CFAP77: variants seen among roughly 807,000 people sequenced by gnomAD.
CFAP77 encodes the protein cilia- and flagella-associated protein 77.
Under a neutral mutation model 31.1 loss-of-function variants are expected in CFAP77, and 25 were observed. That is an observed-to-expected ratio of 0.80 (90% CI 0.59 to 1.12). The LOEUF (loss-of-function observed/expected upper bound fraction) is 1.12. Among genes scored for constraint, CFAP77 ranks in the 50% most tolerant of loss-of-function variants. The pLI is 0.00. For synonymous variants in CFAP77, 151 were observed against 159.9 expected, an observed-to-expected ratio of 0.94 and a Z score of 0.42; for missense variants, 377 against 397.3, an observed-to-expected ratio of 0.95 and a Z score of 0.44.
In CFAP77 at chr9:132,565,936, C is replaced by T. The variant is rs191196960; in HGVS notation, c.733-6452C>T. 3.5e-3 allele frequency among the ~76,000 whole-genome samples: 536 copies of T among 152,338 alleles called. No homozygotes were observed. The highest frequency in any genetic ancestry group is 0.012 in the African/African-American group (489 of 41,584). ...TTGCCTCTTATTTACCTGCATTGAC[C>T]TTAGAGCAGCTCAGAGCTCCATTCA... On this transcript the variant is annotated intron_variant, in intron 5 of 5. Transcript: ENST00000393216. The surrounding 1 kb of genome is among the most constrained non-coding windows in gnomAD (Gnocchi z 4.1).
intron 1 of CFAP77, among the ~76,000 whole-genome samples, chr9:132,447,203 A>G (rs549570718): frequency 1.8e-4 from 27 of 152,310 alleles, no homozygotes; most frequent in African/African-American, 5.3e-4. Context: ...TCTGCATTTT[A>G]TGTTTTCCCC....
intron 3 of CFAP77, among the ~76,000 whole-genome samples, chr9:132,518,549 A>G (rs1852190155): frequency 6.6e-6 from 1 of 152,118 alleles, no homozygotes; most frequent in Admixed American, 6.5e-5. Context: ...CCTCCCTTCC[A>G]GAATTGTGAG....
intron 3 of CFAP77, among the ~76,000 whole-genome samples, chr9:132,530,524 C>G (rs1382823588): frequency 6.6e-6 from 1 of 152,220 alleles, no homozygotes. Flanking sequence ...ATCTGCCCCC[C>G]TCGGCCTCCC....
intron 1 of CFAP77, among the ~76,000 whole-genome samples, chr9:132,448,076 C>T (rs1850759126): frequency 1.3e-5 from 2 of 152,294 alleles, no homozygotes; most frequent in South Asian, 4.1e-4. Context: ...TAATACTGGT[C>T]TCCTGGGCTG....
chr9:132,556,691 T>C (rs1309680191), intron 5 of CFAP77, among the ~76,000 whole-genome samples: 2 of 151,984 alleles, frequency 1.3e-5, no homozygotes, highest in East Asian at 3.9e-4. Context: ...TAAATCAAAA[T>C]GGTTTGTTTT....
At chr9:132,461,912 C>T (rs1191825239) in intron 1 of CFAP77, among the ~76,000 whole-genome samples, 1 of 152,234 alleles carries the variant, frequency 6.6e-6, no homozygotes, top group Admixed American at 6.5e-5. Context: ...TTTTAAACGC[C>T]CCAAGGGTCC....
Position 132,539,093 on chromosome 9 carries a change from AAAAT to A in CFAP77, c.630+1399_630+1402del, listed in dbSNP as rs768077071. ...CAGAGCAAGACTCCGTCTCGATAAA[AAAAT>A]AAATAAATAAAAATAAATAAATAAA... is the stretch of plus-strand genomic sequence containing the variant. On this transcript the variant is annotated intron_variant, in intron 4 of 5. Transcript: ENST00000393216. The surrounding 1 kb of genome is among the most constrained non-coding windows in gnomAD (Gnocchi z 4.3). 8.1e-4 allele frequency among the ~76,000 whole-genome samples: 123 copies of A among 152,326 alleles called. No individual in the cohort carries two copies. The Middle Eastern group carries it at 0.01, about 13-fold the overall frequency.
chr9:132,488,748 G>A (rs1304543860), intron 1 of CFAP77, among the ~76,000 whole-genome samples: 2 of 152,240 alleles, frequency 1.3e-5, no homozygotes, highest in African/African-American at 2.4e-5. Context: ...CTGCCAGCCC[G>A]GCTTGGTTCC....
chr9:132,570,448 G>T (rs1829943944), intron 5 of CFAP77, among the ~76,000 whole-genome samples: 2 of 152,232 alleles, frequency 1.3e-5, no homozygotes, highest in African/African-American at 4.8e-5. Flanking sequence ...CCCGAGGCTG[G>T]GGCTGGGACT....
At chr9:132,519,574 AGATGGATGGATG>A (rs1226920030) in intron 3 of CFAP77, among the ~76,000 whole-genome samples, 758 of 41,802 alleles carry the variant, frequency 0.018, 19 homozygotes, top group African/African-American at 0.07. Context: ...ATGGATGGAT[AGATGGATGGATG>A]GATGGATGGA....
At chr9:132,438,541 A>ATATATATATATATATATATATATTTTT in intron 1 of CFAP77, among the ~76,000 whole-genome samples, 13 of 108,106 alleles carry the variant, frequency 1.2e-4, no homozygotes, top group South Asian at 3.0e-4. Flanking sequence ...ATATATATAT[A>ATATATATATATATATATATATATTTTT]TTTTTTTTTT....
intron 5 of CFAP77, among the ~76,000 whole-genome samples, chr9:132,560,413 C>T (rs1852975636): frequency 6.6e-6 from 1 of 152,208 alleles, no homozygotes; most frequent in African/African-American, 2.4e-5. Context: ...TTCACACACA[C>T]ACCCCACCTT....
At chr9:132,477,700 C>T (rs1268115583) in intron 1 of CFAP77, among the ~76,000 whole-genome samples, 1 of 152,216 alleles carries the variant, frequency 6.6e-6, no homozygotes, top group Non-Finnish European at 1.5e-5. Context: ...GGTTCCAGTG[C>T]TGCCTCCTGG....
intron 3 of CFAP77, among the ~76,000 whole-genome samples, chr9:132,516,285 A>G (rs1336480568): frequency 6.6e-6 from 1 of 152,260 alleles, no homozygotes; most frequent in East Asian, 1.9e-4. Flanking sequence ...GACCTGGCCT[A>G]GAGTCTGCTA....
intron 1 of CFAP77, among the ~76,000 whole-genome samples, chr9:132,482,961 A>T (rs951989949): frequency 3.1e-4 from 12 of 38,354 alleles, no homozygotes; most frequent in African/African-American, 1.1e-3. Context: ...ATAATAATTT[A>T]AAAAAAAAAA....
chr9:132,439,883 T>A (rs996795858), intron 1 of CFAP77, among the ~76,000 whole-genome samples: 3 of 147,120 alleles, frequency 2.0e-5, no homozygotes, highest in South Asian at 2.2e-4. Context: ...TGCTCTAATC[T>A]ACCTGTCCAG....
At chr9:132,485,229 C>T (rs2118916260) in intron 1 of CFAP77, among the ~76,000 whole-genome samples, 1 of 152,260 alleles carries the variant, frequency 6.6e-6, no homozygotes, top group South Asian at 2.1e-4. Flanking sequence ...GCTGGTATGA[C>T]TACTTTTTAT....
intron 1 of CFAP77, among the ~76,000 whole-genome samples, chr9:132,447,756 A>G (rs1462468421): frequency 6.6e-6 from 1 of 152,232 alleles, no homozygotes; most frequent in Non-Finnish European, 1.5e-5. Context: ...CTAGAATACT[A>G]AAAGGTAGAA....
chr9:132,412,472 A>T (rs190758612), intron 1 of CFAP77, among the ~76,000 whole-genome samples: 121 of 152,372 alleles, frequency 7.9e-4, no homozygotes, highest in Non-Finnish European at 1.3e-3. Context: ...TTAGAGGTCA[A>T]AACCTGACAT....
Sources: allele counts gnomAD v4.1 joint callset (sites outside exome capture counted in the v4.1 genomes callset), GRCh38; gene constraint gnomAD v4.1.1; non-coding constraint Gnocchi (gnomAD v3.1); transcripts MANE v1.5; gene names NCBI Gene and HGNC (gene_info 2026-07-23, HGNC 2026-07-21).